TSNARE1: variants seen among roughly 807,000 people sequenced by gnomAD.
The protein encoded by TSNARE1 is t-SNARE domain-containing protein 1.
Under a neutral mutation model 62.0 loss-of-function variants are expected in TSNARE1, and 49 were observed. That is an observed-to-expected ratio of 0.79 (90% CI 0.63 to 1.00). The LOEUF is 1.00. Among genes scored for constraint, TSNARE1 ranks in the 50% least tolerant of loss-of-function variants. The pLI is 0.00. For missense variants in TSNARE1, 755 were observed against 700.1 expected, an observed-to-expected ratio of 1.08 and a Z score of -0.88; for synonymous variants, 328 against 294.4, an observed-to-expected ratio of 1.11 and a Z score of -1.17.
chr8:142,239,461 T>G (rs915260500), intron 12 of TSNARE1, among the ~76,000 whole-genome samples: 3 of 152,266 alleles, frequency 2.0e-5, no homozygotes, highest in Non-Finnish European at 4.4e-5. Flanking sequence ...GCTAGGACGA[T>G]GTCTAACCTG....
At chr8:142,361,007 C>T (rs1835113226) in intron 1 of TSNARE1, among the ~76,000 whole-genome samples, 1 of 152,130 alleles carries the variant, frequency 6.6e-6, no homozygotes, top group Admixed American at 6.5e-5. Flanking sequence ...GAACAGCGTT[C>T]CCCGGGCCGG....
At chr8:142,365,644 A>G (rs534439744) in intron 1 of TSNARE1, among the ~76,000 whole-genome samples, 6 of 151,488 alleles carry the variant, frequency 4.0e-5, no homozygotes, top group East Asian at 1.9e-4. Flanking sequence ...AGAGAGAGAG[A>G]GGGGAACAAA....
rs1563777423 is a variant in TSNARE1, at chr8:142,251,782, G to A, written c.1447-22203C>T. On this transcript the variant is annotated intron_variant, in intron 12 of 13. Coordinates refer to ENST00000524325, the MANE Select transcript of TSNARE1 (RefSeq NM_145003.5). ...CGGGCACCATGTACCCGCCGCCCAC[G>A]TTCTCTGTCTTCAGGGCCCGGGCAC... is the stretch of plus-strand genomic sequence containing the variant. 4.1e-5 allele frequency among the ~76,000 whole-genome samples: 6 copies of A among 147,162 alleles called. No individual in the cohort carries two copies. The South Asian group carries it at 6.6e-4, about 16-fold the overall frequency.
At chr8:142,323,346 AAC>A (rs1829767513) in intron 6 of TSNARE1, among the ~76,000 whole-genome samples, 1 of 152,220 alleles carries the variant, frequency 6.6e-6, no homozygotes, top group African/African-American at 2.4e-5. Context: ...TGGCTGGCTG[AAC>A]ACTGTGGCAT....
At chr8:142,284,617 G>A (rs1307387684) in intron 10 of TSNARE1, 132 bp from the exon 11 acceptor site, 1 of 711,294 alleles carries the variant, frequency 1.4e-6, no homozygotes. Context: ...AGAACAGCTG[G>A]GGACCGGCTG....
intron 4 of TSNARE1, among the ~76,000 whole-genome samples, chr8:142,342,611 C>G (rs979923000): frequency 6.6e-6 from 1 of 152,234 alleles, no homozygotes; most frequent in Non-Finnish European, 1.5e-5. Flanking sequence ...TTCCAGATCT[C>G]CTATAGCACG....
intron 12 of TSNARE1, among the ~76,000 whole-genome samples, chr8:142,254,796 T>C (rs1416760996): frequency 6.6e-6 from 1 of 152,184 alleles, no homozygotes; most frequent in Non-Finnish European, 1.5e-5. Flanking sequence ...AAGACAGTGC[T>C]GCAGGCGGCT....
intron 12 of TSNARE1, among the ~76,000 whole-genome samples, chr8:142,231,838 G>A (rs752074400): frequency 6.6e-6 from 1 of 152,232 alleles, no homozygotes. Context: ...CAGCCACAGA[G>A]CCTGCTGCTG....
chr8:142,261,213 GGAGGAGGGA>G (rs1420318356), intron 12 of TSNARE1, among the ~76,000 whole-genome samples: 2 of 126,920 alleles, frequency 1.6e-5, no homozygotes, highest in East Asian at 5.1e-4. Flanking sequence ...GAGGGGAGAG[GGAGGAGGGA>G]GAGAAGGGAA....
At chr8:142,276,039 C>A (rs1435907159) in intron 11 of TSNARE1, 1 of 985,314 alleles carries the variant, frequency 1.0e-6, no homozygotes, top group African/African-American at 1.7e-5. Flanking sequence ...GATCCTTGAA[C>A]CCTTGGTCAC....
At chr8:142,321,937 C>T (rs918587760) in intron 6 of TSNARE1, among the ~76,000 whole-genome samples, 3 of 152,120 alleles carry the variant, frequency 2.0e-5, no homozygotes, top group African/African-American at 7.2e-5. Context: ...AAAACCCAAA[C>T]AGAGAATCTA....
rs146781957 is a variant in TSNARE1, at chr8:142,221,724, T to C, written c.*11+7749A>G. 9.8e-3 allele frequency among the ~76,000 whole-genome samples: 85 copies of C among 8,710 alleles called. 4 individuals are homozygous for C. The highest frequency in any genetic ancestry group is 0.083 in the Middle Eastern group (1 of 12). The allele number at this position is 8,710 out of a possible 152,430, so 5.7% of individuals were successfully genotyped here. On this transcript the variant is annotated intron_variant, in intron 13 of 13. Transcript: ENST00000524325. ...ACTCACTCATCCACTCACTCACTCA[T>C]TCACTCACTCATTCACTCACTCACT... is the stretch of plus-strand genomic sequence containing the variant.
At chr8:142,339,147 T>A (rs1429188228) in intron 4 of TSNARE1, among the ~76,000 whole-genome samples, 1 of 151,924 alleles carries the variant, frequency 6.6e-6, no homozygotes, top group African/African-American at 2.4e-5. Flanking sequence ...TGCTTCAAAA[T>A]CCACAGAGCA....
At chr8:142,361,012 G>A (rs1258417249) in intron 1 of TSNARE1, among the ~76,000 whole-genome samples, 1 of 152,132 alleles carries the variant, frequency 6.6e-6, no homozygotes, top group Non-Finnish European at 1.5e-5. Flanking sequence ...GCGTTCCCCG[G>A]GCCGGGGCTT....
At chr8:142,266,559 T>G (rs576346296) in intron 12 of TSNARE1, among the ~76,000 whole-genome samples, 2 of 152,366 alleles carry the variant, frequency 1.3e-5, no homozygotes, top group African/African-American at 4.8e-5. Flanking sequence ...TTTTCTGGCT[T>G]CCTCTGCTGC....
chr8:142,355,461 CCACCCTTGGGGCACCGG>C (rs1326331011), intron 1 of TSNARE1, among the ~76,000 whole-genome samples: 1 of 152,198 alleles, frequency 6.6e-6, no homozygotes, highest in Non-Finnish European at 1.5e-5. Flanking sequence ...GGGAGTGGCG[CCACCCTTGGGGCACCGG>C]CCGTCCCTGG....
intron 12 of TSNARE1, among the ~76,000 whole-genome samples, chr8:142,260,758 T>G (rs1209525308): frequency 2.6e-5 from 4 of 151,414 alleles, no homozygotes; most frequent in African/African-American, 9.7e-5. Flanking sequence ...TGATCTGCCT[T>G]TACTGAGCAC....
At chr8:142,235,299 G>A (rs1488499665) in intron 12 of TSNARE1, among the ~76,000 whole-genome samples, 1 of 152,076 alleles carries the variant, frequency 6.6e-6, no homozygotes, top group South Asian at 2.1e-4. Flanking sequence ...TCCGGCAGGT[G>A]GCTGGATGCT....
chr8:142,342,756 C>T (rs1415949253), intron 4 of TSNARE1, among the ~76,000 whole-genome samples: 1 of 150,712 alleles, frequency 6.6e-6, no homozygotes, highest in Non-Finnish European at 1.5e-5. Flanking sequence ...GCAACTGTCC[C>T]AGCACCTGTC....
Sources: gnomAD v4.1 joint callset for allele counts (sites outside exome capture counted in the v4.1 genomes callset) on GRCh38, gnomAD v4.1.1 for gene constraint, MANE v1.5 for transcripts, NCBI Gene and HGNC (gene_info 2026-07-23, HGNC 2026-07-21) for gene names.